KCP: variants seen among roughly 807,000 people sequenced by gnomAD.
The protein encoded by KCP is kielin/chordin-like protein.
Under a neutral mutation model 212.7 loss-of-function variants are expected in KCP, and 194 were observed. The ratio of observed to expected loss-of-function variants is 0.91; its 90% CI spans 0.81 to 1.03. The LOEUF is 1.03. Among genes scored for constraint, KCP ranks in the 50% least tolerant of loss-of-function variants. The pLI is 0.00. For synonymous variants in KCP, 833 were observed against 865.3 expected, an observed-to-expected ratio of 0.96 and a Z score of 0.65; for missense variants, 2,080 against 2,162.5, an observed-to-expected ratio of 0.96 and a Z score of 0.76.
chr7:128,893,535 G>C, intron 11 of KCP, 59 bp from the exon 12 acceptor site: 1 of 1,312,746 alleles, frequency 7.6e-7, no homozygotes, highest in Non-Finnish European at 1.1e-6. Flanking sequence ...GAAGCTTCAC[G>C]TCACCCTGAG....
chr7:128,895,052 G>C (rs993689684), intron 8 of KCP, among the ~76,000 whole-genome samples: 1 of 152,158 alleles, frequency 6.6e-6, no homozygotes, highest in African/African-American at 2.4e-5. Context: ...GCAGAGGCTG[G>C]AGCAGATTCC....
intron 8 of KCP, among the ~76,000 whole-genome samples, chr7:128,900,839 C>T (rs1794802020): frequency 6.6e-6 from 1 of 152,168 alleles, no homozygotes; most frequent in African/African-American, 2.4e-5. Context: ...TGTCCCTCTG[C>T]ACCCCTTAGG....
At chr7:128,877,866 T>C in intron 38 of KCP, 76 bp from the exon 39 acceptor site, 12 of 1,309,864 alleles carry the variant, frequency 9.2e-6, no homozygotes, top group Non-Finnish European at 1.3e-5. Flanking sequence ...TTCAAAGCAC[T>C]TCCCACCCAG....
chr7:128,907,252 G>A lies in KCP; in HGVS notation c.409+12C>T, dbSNP rs537464999. The A allele has an allele frequency of 6.5e-6, 10 of 1,535,504 alleles. No homozygotes were observed. In the Admixed American group the frequency reaches 1.6e-4, roughly 24 times the overall value. ...TTAGGTGGCCCCAGTGGGCGGATAG[G>A]GTGGCACTTACCCCTGCAATGGGGC... On this transcript the variant is annotated intron_variant, in intron 3 of 39. Transcript: ENST00000610776.
chr7:128,902,895 G>A, intron 7 of KCP, 36 bp from the exon 8 acceptor site: 2 of 1,485,238 alleles, frequency 1.3e-6, no homozygotes, highest in East Asian at 2.5e-5. Context: ...GAGGCCTGGT[G>A]GGAGCTGGCC....
chr7:128,885,387 A>G (rs1055529580), intron 26 of KCP, 117 bp from the exon 27 acceptor site: 21 of 1,083,516 alleles, frequency 1.9e-5, no homozygotes, highest in Non-Finnish European at 2.6e-5. Context: ...TTGCAGGGAT[A>G]TGGCGGGAAG....
In KCP at chr7:128,890,968, G is replaced by T; in HGVS notation, c.2101C>A (p.Leu701Met). ...GCGCAGGGCGCGGGCGGGCAGGGCA[G>T]CCGCTGGCAGGACACGGAGCCGTCG... ...CLDGSVSCQR[L>M]PCPPAPCAHP... The change falls in exon 20 of 40, where the codon CTG (leucine) becomes ATG (methionine). Residue 701 changes from leucine (L) to methionine (M), a missense_variant. By Grantham distance (15) the Leu-to-Met change is conservative. Coordinates refer to ENST00000610776, the MANE Select transcript of KCP (RefSeq NM_001366122.1). 7.8e-7 allele frequency: 1 copy of T among 1,278,022 alleles called. No individual in the cohort carries two copies. The highest frequency in any genetic ancestry group is 9.8e-7 in the Non-Finnish European group (1 of 1,018,004). The allele number at this position is 1,278,022 out of a possible 1,614,324, so 79.2% of individuals were successfully genotyped here. A position where few individuals can be genotyped will look rare whatever the true frequency, so the allele number is the denominator to read the frequency against.
intron 15 of KCP, 28 bp from the exon 16 acceptor site, chr7:128,892,635 C>A (rs1350110448): frequency 1.9e-6 from 3 of 1,550,834 alleles, no homozygotes; most frequent in Non-Finnish European, 2.6e-6. Context: ...AGAGAGCAAT[C>A]GGGGCATGCC....
At position 128,879,591 on chromosome 7, in the gene KCP, C is replaced by A. The variant is rs909694442; in HGVS notation, c.4077G>T (p.Leu1359=). The change falls in exon 37 of 40, where the codon CTG becomes CTT. Residue 1359 remains leucine, a synonymous_variant. Coordinates refer to ENST00000610776, the MANE Select transcript of KCP (RefSeq NM_001366122.1). Reference sequence around the variant, plus strand: ...GCTCCACATACAGCAGCGGCTCCTGCAGGAAGGGCAAGGCCACCGGGTGCC... The same window carrying A: ...GCTCCACATACAGCAGCGGCTCCTGAAGGAAGGGCAAGGCCACCGGGTGCC... ...VDGHPVALPF[L]QEPLLYVELR... is the part of the protein sequence containing the mutation. 6.4e-7 allele frequency: 1 copy of A among 1,550,524 alleles called. No homozygotes were observed. The highest frequency in any genetic ancestry group is 8.7e-7 in the Non-Finnish European group (1 of 1,146,956).
chr7:128,902,883 G>T (rs1204631891), intron 7 of KCP, 24 bp from the exon 8 acceptor site: 1 of 1,539,260 alleles, frequency 6.5e-7, no homozygotes, highest in African/African-American at 1.4e-5. Flanking sequence ...GTTGAGAAGA[G>T]GGAGGCCTGG....
At chr7:128,888,796 T>TG (rs1418534471) in intron 22 of KCP, 67 bp downstream of exon 22, 12 of 1,427,476 alleles carry the variant, frequency 8.4e-6, no homozygotes, top group Non-Finnish European at 1.1e-5. Context: ...GGGAGGAAAG[T>TG]GGAATCGGTG....
chr7:128,891,253 CG>C lies in KCP; in HGVS notation c.1903del (p.Arg635AlafsTer119), dbSNP rs1043690950. The C allele has an allele frequency of 3.2e-6, 5 of 1,546,864 alleles. No homozygotes were observed. The African/African-American group carries it at 6.9e-5, about 21-fold the overall frequency. On this transcript the variant is annotated frameshift_variant, in exon 19 of 40. Transcript: ENST00000610776. LOFTEE classifies it high-confidence loss of function. ...TGGACAGGGCAGCGGCACGCAGCGG[CG>C]GGCCAGGCACTGCACGTTGCCGCTC... ...CLSGNVQCLA[R>X]RCVPLPCPEP... is the part of the protein sequence containing the mutation.
chr7:128,882,159 G>A, intron 29 of KCP, 143 bp from the exon 30 acceptor site: 1 of 615,710 alleles, frequency 1.6e-6, no homozygotes. Flanking sequence ...CTCCAGGGAG[G>A]ATAAGTCCTC....
At position 128,890,892 on chromosome 7, in the gene KCP, G is replaced by A; in HGVS notation, c.2164+13C>T. 8.0e-7 allele frequency: 1 copy of A among 1,250,486 alleles called. No homozygotes were observed. Among genetic ancestry groups the A allele is most frequent in the East Asian group, 3.2e-5 (1 of 30,974 alleles). 77.5% of individuals were successfully genotyped at this position (1,250,486 alleles called of 1,614,324 possible). A position where few individuals can be genotyped will look rare whatever the true frequency, so the allele number is the denominator to read the frequency against. Reference sequence around the variant, plus strand: ...GACGCGGGTGGCCGGGAGGGGCACCGCCAGGGCGTTACCGTCGCAGGAGGG... The same window carrying A: ...GACGCGGGTGGCCGGGAGGGGCACCACCAGGGCGTTACCGTCGCAGGAGGG... On this transcript the variant is annotated intron_variant, in intron 20 of 39. Transcript: ENST00000610776.
chr7:128,884,826 C>G lies in KCP; in HGVS notation c.3078G>C (p.Glu1026Asp). ...EHEGRKYEPG[E>D]SFQPGADPCE... ...AGGGGTCTGCCCCAGGCTGGAAGCT[C>G]TCCCCAGGCTCGTACTTCCGGCCCT... The change falls in exon 28 of 40, where the codon GAG becomes GAC. Residue 1026 changes from glutamate to aspartate, a missense_variant. Transcript: ENST00000610776. The G allele has an allele frequency of 6.4e-7, 1 of 1,551,124 alleles. No homozygotes were observed. The highest frequency in any genetic ancestry group is 8.7e-7 in the Non-Finnish European group (1 of 1,147,008).
chr7:128,902,955 G>A, intron 7 of KCP, 96 bp from the exon 8 acceptor site: 3 of 921,942 alleles, frequency 3.3e-6, no homozygotes, highest in Middle Eastern at 2.2e-4. Flanking sequence ...TGCCCTCTGA[G>A]GGCTCTCTCC....
intron 8 of KCP, among the ~76,000 whole-genome samples, chr7:128,901,691 C>T (rs186797180): frequency 5.3e-4 from 80 of 152,066 alleles, no homozygotes; most frequent in African/African-American, 1.8e-3. Context: ...TTCTTTCTTG[C>T]GCGAGATCCA....
At chr7:128,903,243 A>G (rs1794952578) in intron 7 of KCP, 1 of 271,714 alleles carries the variant, frequency 3.7e-6, no homozygotes, top group Middle Eastern at 1.1e-3. Context: ...CCCTTCACCA[A>G]GCTAACTTTT....
intron 18 of KCP, 43 bp from the exon 19 acceptor site, chr7:128,891,321 G>A (rs1457036099): frequency 1.3e-6 from 2 of 1,546,904 alleles, no homozygotes; most frequent in African/African-American, 1.4e-5. Context: ...GGTTAGTTGG[G>A]GGAGGCCGAG....
Sources: gnomAD v4.1 joint callset for allele counts (sites outside exome capture counted in the v4.1 genomes callset) on GRCh38, gnomAD v4.1.1 for gene constraint, MANE v1.5 for transcripts, NCBI Gene and HGNC (gene_info 2026-07-23, HGNC 2026-07-21) for gene names.